COL25A1: variants seen among roughly 807,000 people sequenced by gnomAD.
COL25A1 encodes collagen type XXV alpha 1 chain, also known as collagen alpha-1(XXV) chain.
COL25A1 carries 103 observed loss-of-function variants against 128.4 expected under a neutral mutation model. The ratio of observed to expected loss-of-function variants is 0.80; its 90% CI spans 0.68 to 0.94. COL25A1 has a LOEUF of 0.94. Ranked by LOEUF, COL25A1 falls within the 40% of genes least tolerant of loss-of-function variation. The pLI is 0.00. For missense variants in COL25A1, 745 were observed against 840.0 expected, an observed-to-expected ratio of 0.89 and a Z score of 1.40; for synonymous variants, 279 against 277.2, an observed-to-expected ratio of 1.01 and a Z score of -0.06.
chr4:108,882,983 C>T (rs957798494), intron 19 of COL25A1, among the ~76,000 whole-genome samples: 2 of 151,996 alleles, frequency 1.3e-5, no homozygotes, highest in Non-Finnish European at 2.9e-5. Context: ...ACACTCCAAG[C>T]AGAACCTTCA....
intron 6 of COL25A1, among the ~76,000 whole-genome samples, chr4:108,997,678 GA>G (rs1754912156): frequency 6.6e-6 from 1 of 152,072 alleles, no homozygotes; most frequent in Non-Finnish European, 1.5e-5. Flanking sequence ...CAAAAAAAGA[GA>G]ATTTTAGGCC....
chr4:109,064,735 T>A (rs1017474475), intron 3 of COL25A1, among the ~76,000 whole-genome samples: 1 of 152,214 alleles, frequency 6.6e-6, no homozygotes, highest in Non-Finnish European at 1.5e-5. Flanking sequence ...AGCTCCATGT[T>A]TCCTTCCAAC....
intron 32 of COL25A1, among the ~76,000 whole-genome samples, chr4:108,830,385 T>C (rs969794577): frequency 5.3e-5 from 8 of 152,222 alleles, no homozygotes; most frequent in Admixed American, 4.6e-4. Context: ...TCTAATTTCA[T>C]TCGGGTTCTT....
At chr4:109,284,612 A>G (rs879754193) in intron 3 of COL25A1, among the ~76,000 whole-genome samples, 2 of 152,186 alleles carry the variant, frequency 1.3e-5, no homozygotes, top group Non-Finnish European at 2.9e-5. Context: ...TCTGTGCTGA[A>G]CTTTCTCACG....
chr4:108,844,467 A>G, intron 30 of COL25A1, 52 bp downstream of exon 30: 1 of 1,614,036 alleles, frequency 6.2e-7, no homozygotes, highest in African/African-American at 1.3e-5. Flanking sequence ...TGTTCTCTCT[A>G]GCAGCATGCT....
chr4:109,014,355 T>C (rs575021145), intron 5 of COL25A1, among the ~76,000 whole-genome samples: 67 of 152,196 alleles, frequency 4.4e-4, no homozygotes, highest in African/African-American at 1.4e-3. Context: ...CCAGAATATA[T>C]TGCATCTCTT....
intron 18 of COL25A1, 37 bp from the exon 19 acceptor site, chr4:108,884,259 T>G (rs1740497026): frequency 1.3e-6 from 2 of 1,572,014 alleles, no homozygotes; most frequent in Non-Finnish European, 1.8e-6. Context: ...TAGAATGATA[T>G]TCACTCAGTC....
intron 3 of COL25A1, among the ~76,000 whole-genome samples, chr4:109,069,439 C>T (rs1042332409): frequency 6.6e-5 from 10 of 152,110 alleles, no homozygotes; most frequent in African/African-American, 2.2e-4. Context: ...GTCTCAAACT[C>T]GTGGCCTCAA....
intron 16 of COL25A1, among the ~76,000 whole-genome samples, chr4:108,892,050 T>C (rs1741568476): frequency 6.6e-6 from 1 of 152,084 alleles, no homozygotes; most frequent in African/African-American, 2.4e-5. Context: ...AACTTTTAAG[T>C]GGTAACATGA....
intron 3 of COL25A1, among the ~76,000 whole-genome samples, chr4:109,291,382 C>T (rs1724463488): frequency 6.6e-6 from 1 of 152,080 alleles, no homozygotes; most frequent in Non-Finnish European, 1.5e-5. Flanking sequence ...TTCATGTATT[C>T]TCATTGTGCC....
rs549221226 is a variant in COL25A1 at position 109,202,833 on chromosome 4, T to C, written c.367+97750A>G. 2.2e-4 allele frequency among the ~76,000 whole-genome samples: 34 copies of C among 152,274 alleles called. No individual in the cohort carries two copies. In the South Asian group the frequency reaches 7.1e-3, roughly 32 times the overall value. On this transcript the variant is annotated intron_variant, in intron 3 of 37. Transcript: ENST00000399132. Reference sequence around the variant, plus strand: ...TAGCTATATGGAGATAATAATACTTTTGTAGATACATAGACATCTATATCT... The same window carrying C: ...TAGCTATATGGAGATAATAATACTTCTGTAGATACATAGACATCTATATCT...
chr4:108,994,567 T>C (rs997490309), intron 6 of COL25A1, among the ~76,000 whole-genome samples: 1 of 152,204 alleles, frequency 6.6e-6, no homozygotes. Flanking sequence ...AGACAGCTTC[T>C]ACAGACTTAA....
At chr4:109,005,588 T>C (rs4131962) in intron 6 of COL25A1, among the ~76,000 whole-genome samples, 121,028 of 151,924 alleles carry the variant, frequency 0.8, 49,311 homozygotes, top group East Asian at 1. Context: ...CCCCATAGTA[T>C]AATAGAAGTA....
At chr4:108,848,910 A>G (rs1735429148) in intron 26 of COL25A1, 107 bp from the exon 27 acceptor site, 2 of 769,356 alleles carry the variant, frequency 2.6e-6, no homozygotes, top group Non-Finnish European at 4.5e-6. Context: ...ACTTTCAGCA[A>G]ATGCATCATA....
intron 3 of COL25A1, among the ~76,000 whole-genome samples, chr4:109,259,780 T>C (rs1202776476): frequency 2.6e-5 from 4 of 152,236 alleles, no homozygotes; most frequent in Admixed American, 1.3e-4. Flanking sequence ...GGCAGATAGC[T>C]ACTATTTCCA....
At chr4:108,985,114 T>C (rs1287215674) in intron 6 of COL25A1, among the ~76,000 whole-genome samples, 3 of 152,308 alleles carry the variant, frequency 2.0e-5, no homozygotes, top group South Asian at 2.1e-4. Context: ...TCCTTTTCAG[T>C]TGATGCCTAA....
At chr4:108,920,436 C>T in intron 12 of COL25A1, 142 bp downstream of exon 12, 1 of 502,674 alleles carries the variant, frequency 2.0e-6, no homozygotes, top group Non-Finnish European at 3.5e-6. Flanking sequence ...CATTATGTGA[C>T]TATATTTTTA....
At chr4:109,232,993 A>AAAGAGG (rs1333473249) in intron 3 of COL25A1, among the ~76,000 whole-genome samples, 1 of 152,230 alleles carries the variant, frequency 6.6e-6, no homozygotes, top group African/African-American at 2.4e-5. Flanking sequence ...CTTCAGTGGA[A>AAAGAGG]AAGAGGAAGT....
intron 19 of COL25A1, among the ~76,000 whole-genome samples, chr4:108,870,447 G>GAA (rs370404159): frequency 1.6e-3 from 211 of 131,872 alleles, no homozygotes; most frequent in African/African-American, 4.9e-3. Flanking sequence ...ACTGATCTAA[G>GAA]AAAAAAAAAA....
Sources: allele counts gnomAD v4.1 joint callset (sites outside exome capture counted in the v4.1 genomes callset), GRCh38; gene constraint gnomAD v4.1.1; transcripts MANE v1.5; gene names NCBI Gene and HGNC (gene_info 2026-07-23, HGNC 2026-07-21).